The following EIF3CL variants were observed in gnomAD, a reference collection of about 807,000 sequenced individuals.
The protein encoded by EIF3CL is eukaryotic translation initiation factor 3 subunit C-like protein.
For missense variants in EIF3CL, 5 were observed against 56.1 expected (o/e 0.09, Z 2.91); for synonymous variants, 2 against 19.6 (o/e 0.10, Z 2.37).
At chr16:28,416,817 C>T in the EIF3CL span, among the ~76,000 whole-genome samples, 3 of 84,406 alleles carry the variant, frequency 3.6e-5, no homozygotes, top group South Asian at 3.2e-4. Context: ...GCGCCTCTGC[C>T]CGGCCGCCCC....
At chr16:28,422,674 A>C in the EIF3CL span, among the ~76,000 whole-genome samples, 3 of 146,736 alleles carry the variant, frequency 2.0e-5, no homozygotes, top group African/African-American at 7.6e-5. Flanking sequence ...CTTTACTAAA[A>C]ATACAAAAAA....
At chr16:28,423,915 G>A in the EIF3CL span, among the ~76,000 whole-genome samples, 1 of 105,582 alleles carries the variant, frequency 9.5e-6, no homozygotes, top group African/African-American at 3.1e-5. Context: ...TCCGTCTCCT[G>A]GGTTCACGCC....
At chr16:28,414,698 C>T in the EIF3CL span, 3 of 359,714 alleles carry the variant, frequency 8.3e-6, no homozygotes, top group South Asian at 6.2e-5. Flanking sequence ...TGTGGGGCTG[C>T]GCCAAGCTGC....
intron 2 of EIF3CL, among the ~76,000 whole-genome samples, chr16:28,402,979 A>G (rs451596): frequency 0.23 from 24,375 of 106,566 alleles, 3,534 homozygotes; most frequent in Non-Finnish European, 0.33. Context: ...AAAAAAGAAA[A>G]AAAAAAGGAA....
At chr16:28,422,950 A>C in the EIF3CL span, among the ~76,000 whole-genome samples, 2 of 127,390 alleles carry the variant, frequency 1.6e-5, no homozygotes, top group African/African-American at 5.9e-5. Context: ...GGAGGCTGAC[A>C]CAGGCAGATT....
the EIF3CL span, among the ~76,000 whole-genome samples, chr16:28,425,548 C>T: frequency 3.7e-5 from 4 of 107,576 alleles, no homozygotes; most frequent in South Asian, 5.0e-4. Context: ...AGATTACCGA[C>T]GTCCAGTTCC....
At chr16:28,418,756 AG>A in the EIF3CL span, among the ~76,000 whole-genome samples, 1 of 151,084 alleles carries the variant, frequency 6.6e-6, no homozygotes, top group Admixed American at 6.6e-5. Flanking sequence ...CAGCATCCTG[AG>A]TAGCCAGGAT....
At chr16:28,392,498 CT>C (rs1452532185) in intron 8 of EIF3CL, among the ~76,000 whole-genome samples, 2 of 102,816 alleles carry the variant, frequency 1.9e-5, no homozygotes, top group Non-Finnish European at 4.2e-5. Context: ...ACTTAGGAGG[CT>C]GAGGCACGAG....
chr16:28,417,126 G>A, the EIF3CL span, among the ~76,000 whole-genome samples: 3 of 123,466 alleles, frequency 2.4e-5, no homozygotes, highest in Non-Finnish European at 3.5e-5. Flanking sequence ...CCAGCCGCCC[G>A]GTCCGGGAGG....
chr16:28,415,816 T>TCCTCTC, the EIF3CL span, among the ~76,000 whole-genome samples: 1,776 of 69,102 alleles, frequency 0.026, 62 homozygotes, highest in African/African-American at 0.033. Context: ...CTCTCCCTCT[T>TCCTCTC]CCTCTCCCTC....
upstream of EIF3CL, among the ~76,000 whole-genome samples, chr16:28,408,061 G>A (rs1240954793): frequency 5.0e-4 from 9 of 17,974 alleles, no homozygotes; most frequent in African/African-American, 1.5e-3. Flanking sequence ...AAAATTAGCC[G>A]GGCATGGTGG....
At chr16:28,392,746 G>GA (rs1292497301) in intron 8 of EIF3CL, among the ~76,000 whole-genome samples, 1 of 138,556 alleles carries the variant, frequency 7.2e-6, no homozygotes, top group Non-Finnish European at 1.6e-5. Context: ...ACTAATCAAT[G>GA]AATCAGTTCC....
the EIF3CL span, among the ~76,000 whole-genome samples, chr16:28,418,636 G>A: frequency 2.3e-5 from 3 of 129,252 alleles, no homozygotes; most frequent in Non-Finnish European, 3.6e-5. Flanking sequence ...GCCCATTCAA[G>A]TCTTTTTTTT....
chr16:28,417,260 C>A, the EIF3CL span, among the ~76,000 whole-genome samples: 1 of 149,544 alleles, frequency 6.7e-6, no homozygotes, highest in Non-Finnish European at 1.5e-5. Context: ...TGCCCGGCCG[C>A]CCCTACTGGG....
At chr16:28,418,278 G>C in the EIF3CL span, among the ~76,000 whole-genome samples, 1 of 124,768 alleles carries the variant, frequency 8.0e-6, no homozygotes, top group Non-Finnish European at 1.7e-5. Context: ...TCCTGCCTCA[G>C]CCTCCAGAGT....
At chr16:28,402,506 TCTCAAA>T (rs1567241098) in intron 2 of EIF3CL, among the ~76,000 whole-genome samples, 1 of 116,094 alleles carries the variant, frequency 8.6e-6, no homozygotes, top group African/African-American at 3.3e-5. Flanking sequence ...GCCATGCTGG[TCTCAAA>T]CTCCTGACCT....
intron 8 of EIF3CL, among the ~76,000 whole-genome samples, chr16:28,392,767 TAAAA>T (rs1299923854): frequency 6.9e-6 from 1 of 145,248 alleles, no homozygotes; most frequent in Non-Finnish European, 1.5e-5. Flanking sequence ...CCCAAATATA[TAAAA>T]ACATTTTTTT....
the EIF3CL span, among the ~76,000 whole-genome samples, chr16:28,419,067 GA>G: frequency 2.1e-5 from 3 of 141,682 alleles, no homozygotes; most frequent in African/African-American, 5.2e-5. Context: ...AGTGCAGTAG[GA>G]TGATCTTGGC....
At position 28,396,603 on chromosome 16, in the gene EIF3CL, G is replaced by A. The variant is rs1355628726; in HGVS notation, c.776+3268C>T. ...GAATGGTGTGAACCCGGGAGGTGGA[G>A]CTTGCAGTGAGCCGAGATTGCACCA... On this transcript the variant is annotated intron_variant, in intron 8 of 20. Transcript: ENST00000380876. Among the ~76,000 whole-genome samples the A allele has an allele frequency of 3.6e-5, 3 of 83,332 alleles. 1 individual carries two copies. The allele number at this position is 83,332 out of a possible 152,430, so 54.7% of individuals were successfully genotyped here. A position where few individuals can be genotyped will look rare whatever the true frequency, so the allele number is the denominator to read the frequency against.
Sources: allele counts gnomAD v4.1 joint callset (sites outside exome capture counted in the v4.1 genomes callset), GRCh38; gene constraint gnomAD v4.1.1; transcripts MANE v1.5; gene names NCBI Gene and HGNC (gene_info 2026-07-23, HGNC 2026-07-21).